CRPPA: variants seen among roughly 807,000 people sequenced by gnomAD.
The protein encoded by CRPPA is D-ribitol-5-phosphate cytidylyltransferase.
In CRPPA, 43 loss-of-function variants were observed where a neutral mutation model predicts 52.0. That is an observed-to-expected ratio of 0.83 (90% CI 0.65 to 1.07). CRPPA has a LOEUF of 1.07. Among genes scored for constraint, CRPPA ranks in the 50% least tolerant of loss-of-function variants. The pLI is 0.00. For missense variants in CRPPA, 629 were observed against 551.7 expected (o/e 1.14, Z -1.40); for synonymous variants, 250 against 203.5 (o/e 1.23, Z -1.94).
intron 3 of CRPPA, among the ~76,000 whole-genome samples, chr7:16,309,789 T>C (rs1264173516): frequency 6.6e-6 from 1 of 152,090 alleles, no homozygotes; most frequent in Non-Finnish European, 1.5e-5. Context: ...TGGAAGCTAC[T>C]GAAAGAATAT....
intron 9 of CRPPA, among the ~76,000 whole-genome samples, chr7:16,105,983 T>G (rs2128365571): frequency 6.6e-6 from 1 of 152,272 alleles, no homozygotes; most frequent in East Asian, 1.9e-4. Flanking sequence ...GTGGCTCCAG[T>G]AAGCCAATAA....
intron 9 of CRPPA, among the ~76,000 whole-genome samples, chr7:16,128,523 C>CTT (rs1782623106): frequency 6.6e-6 from 1 of 152,016 alleles, no homozygotes; most frequent in Non-Finnish European, 1.5e-5. Context: ...GAACATAGGG[C>CTT]TTCTAATAGA....
chr7:16,183,628 T>C (rs963511000), intron 9 of CRPPA, among the ~76,000 whole-genome samples: 2 of 152,164 alleles, frequency 1.3e-5, no homozygotes, highest in Middle Eastern at 3.2e-3. Flanking sequence ...CTGGACACTC[T>C]AGTGTTTCAC....
rs183205021 is a variant in CRPPA, at chr7:16,299,015, C to T, written c.835+2406G>A. ...CAGCTGGCAGATCGTGGGACTTAGC[C>T]TCCATCATCACGTGAGCCAATCCCT... On this transcript the variant is annotated intron_variant, in intron 5 of 9. Coordinates refer to ENST00000407010, the MANE Select transcript of CRPPA (RefSeq NM_001101426.4). Among the ~76,000 whole-genome samples the T allele has an allele frequency of 1.4e-3, 220 of 152,310 alleles. 1 individual carries two copies. Among genetic ancestry groups the T allele is most frequent in the African/African-American group, 5.1e-3 (211 of 41,558 alleles).
chr7:16,402,534 T>G (rs1042670785), intron 2 of CRPPA, among the ~76,000 whole-genome samples: 1 of 152,172 alleles, frequency 6.6e-6, no homozygotes, highest in African/African-American at 2.4e-5. Context: ...GACCAAGAAG[T>G]ACTATTGGCT....
rs181364333 is a variant in CRPPA, at chr7:16,321,524, C to T, written c.685-12897G>A. On this transcript the variant is annotated intron_variant, in intron 3 of 9. Transcript: ENST00000407010. ...GTGGTTTATATTCATACAAGGAGAA[C>T]CATTACAATGCTGTTGGCCATAATC... Among the ~76,000 whole-genome samples the T allele has an allele frequency of 3.2e-4, 49 of 152,164 alleles. No homozygotes were observed. The East Asian group carries it at 9.5e-3, about 29-fold the overall frequency.
intron 2 of CRPPA, among the ~76,000 whole-genome samples, chr7:16,396,895 GAC>G (rs1474801527): frequency 1.3e-5 from 2 of 152,256 alleles, no homozygotes; most frequent in African/African-American, 4.8e-5. Context: ...ACAAAAATGT[GAC>G]ACATGTGTGA....
intron 9 of CRPPA, among the ~76,000 whole-genome samples, chr7:16,123,718 G>C (rs925322638): frequency 3.3e-5 from 5 of 152,086 alleles, no homozygotes; most frequent in Admixed American, 3.3e-4. Context: ...GAGGATTTAA[G>C]GGAGATTCTA....
At chr7:16,152,915 A>C (rs1783104709) in intron 9 of CRPPA, among the ~76,000 whole-genome samples, 1 of 151,942 alleles carries the variant, frequency 6.6e-6, no homozygotes, top group Non-Finnish European at 1.5e-5. Flanking sequence ...TACACTTCTT[A>C]GGGGGCTCAA....
intron 8 of CRPPA, among the ~76,000 whole-genome samples, chr7:16,219,850 A>G (rs1350676583): frequency 6.6e-6 from 1 of 150,928 alleles, no homozygotes; most frequent in East Asian, 2.0e-4. Context: ...TCACAGCCAA[A>G]TTCTATCAGA....
intron 8 of CRPPA, among the ~76,000 whole-genome samples, chr7:16,225,842 T>C (rs1261405476): frequency 1.3e-5 from 2 of 152,000 alleles, no homozygotes; most frequent in African/African-American, 2.4e-5. Flanking sequence ...TCTATAAGAA[T>C]TGATTCTGTT....
chr7:16,271,561 T>C (rs1246189873), intron 6 of CRPPA, among the ~76,000 whole-genome samples: 1 of 152,166 alleles, frequency 6.6e-6, no homozygotes, highest in African/African-American at 2.4e-5. Flanking sequence ...CAACCACAGA[T>C]GCTTTCTTTC....
intron 5 of CRPPA, among the ~76,000 whole-genome samples, chr7:16,279,181 T>C (rs1159383739): frequency 2.0e-5 from 3 of 152,164 alleles, no homozygotes; most frequent in Non-Finnish European, 4.4e-5. Flanking sequence ...TTGACCCAAC[T>C]GCTTCTTACC....
At position 16,101,506 on chromosome 7, in the gene CRPPA, CA is replaced by C. The variant is rs746729708; in HGVS notation, c.1252-9708del. Reference sequence around the variant, plus strand: ...GGATCAGTGGTGATATCCCCTTTATCATTTTTTTATTGCATCTATATGATTC... The same window carrying C: ...GGATCAGTGGTGATATCCCCTTTATCTTTTTTTATTGCATCTATATGATTC... On this transcript the variant is annotated intron_variant, in intron 9 of 9. Coordinates refer to ENST00000407010, the MANE Select transcript of CRPPA (RefSeq NM_001101426.4). 1.3e-4 allele frequency among the ~76,000 whole-genome samples: 19 copies of C among 151,902 alleles called. 1 individual carries two copies. The highest frequency in any genetic ancestry group is 8.5e-4 in the Admixed American group (13 of 15,244).
chr7:16,361,843 C>A (rs975343451), intron 3 of CRPPA, among the ~76,000 whole-genome samples: 2 of 145,510 alleles, frequency 1.4e-5, no homozygotes, highest in Non-Finnish European at 3.0e-5. Context: ...TATTTCATCA[C>A]AAGTTTACAA....
chr7:16,131,845 T>C (rs1782686967), intron 9 of CRPPA, among the ~76,000 whole-genome samples: 1 of 152,166 alleles, frequency 6.6e-6, no homozygotes, highest in Admixed American at 6.5e-5. Context: ...CCTCTCAAAG[T>C]GCAGGTGTGA....
chr7:16,326,509 A>C (rs1045644295), intron 3 of CRPPA, among the ~76,000 whole-genome samples: 2 of 152,238 alleles, frequency 1.3e-5, no homozygotes, highest in Non-Finnish European at 2.9e-5. Flanking sequence ...CATCAAGTTC[A>C]TTATGAGCTA....
intron 2 of CRPPA, among the ~76,000 whole-genome samples, chr7:16,398,580 G>C (rs1787686817): frequency 6.6e-6 from 1 of 151,938 alleles, no homozygotes; most frequent in Non-Finnish European, 1.5e-5. Context: ...GACACGTGTG[G>C]CACGTGACTG....
At chr7:16,311,286 T>C (rs1388472588) in intron 3 of CRPPA, among the ~76,000 whole-genome samples, 4 of 152,158 alleles carry the variant, frequency 2.6e-5, no homozygotes, top group African/African-American at 9.7e-5. Flanking sequence ...ACTGTAGTTA[T>C]TGTACAGAGT....
Sources: allele counts gnomAD v4.1 joint callset (sites outside exome capture counted in the v4.1 genomes callset), GRCh38; gene constraint gnomAD v4.1.1; transcripts MANE v1.5; gene names NCBI Gene and HGNC (gene_info 2026-07-23, HGNC 2026-07-21).